FAM111B: variants seen among roughly 807,000 people sequenced by gnomAD.
FAM111B encodes the protein serine protease FAM111B.
In FAM111B, 1 loss-of-function variant was observed where a neutral mutation model predicts 2.8. That is an observed-to-expected ratio of 0.36 (90% CI 0.13 to 1.70). The LOEUF (loss-of-function observed/expected upper bound fraction) is 1.70, where lower values mean the gene tolerates loss of function less well. Among genes scored for constraint, FAM111B ranks in the 40% most tolerant of loss-of-function variants. The probability of loss-of-function intolerance (pLI) is 0.35; values close to 1 mark genes in which losing one functional copy is unlikely to be tolerated. For synonymous variants in FAM111B, 297 were observed against 295.6 expected (o/e 1.00, Z -0.05); for missense variants, 882 against 878.9 (o/e 1.00, Z -0.04).
In FAM111B at chr11:59,125,092, A is replaced by C. The variant is rs373937896; in HGVS notation, c.995A>C (p.His332Pro). 7 of 1,613,648 alleles carry C rather than the reference A, an allele frequency of 4.3e-6. No homozygotes were observed. In the African/African-American group the frequency reaches 9.3e-5, roughly 22 times the overall value. The change falls in exon 4 of 4, where the codon CAT becomes CCT. Residue 332 changes from histidine to proline, a missense_variant. Physicochemically the swap from His to Pro is moderately conservative, Grantham distance 77 (BLOSUM62 -2). Coordinates refer to ENST00000343597, the MANE Select transcript of FAM111B (RefSeq NM_198947.4). ...ATTCTCCCACCTCAGGATCTAAGCC[A>C]TTATATTAAAGATAAAACTCGCCAG... ...EQILPPQDLS[H>P]YIKDKTRQTI...
intron 3 of FAM111B, among the ~76,000 whole-genome samples, chr11:59,119,057 T>G (rs916859999): frequency 6.6e-6 from 1 of 152,234 alleles, no homozygotes; most frequent in African/African-American, 2.4e-5. Context: ...GTTTTCCCTA[T>G]GTCTGGTGGG....
At chr11:59,109,504 G>T (rs1419312560) in intron 2 of FAM111B, 36 bp from the exon 3 acceptor site, 2 of 601,820 alleles carry the variant, frequency 3.3e-6, no homozygotes, top group Non-Finnish European at 5.7e-6. Context: ...TTTGAAAGTG[G>T]TTATTTCATA....
intron 3 of FAM111B, among the ~76,000 whole-genome samples, chr11:59,114,915 G>A (rs1590889016): frequency 1.3e-5 from 2 of 152,298 alleles, no homozygotes; most frequent in South Asian, 4.2e-4. Flanking sequence ...CTCTGATAAG[G>A]TGATATCTGA....
At chr11:59,113,406 G>A (rs1296162534) in intron 3 of FAM111B, among the ~76,000 whole-genome samples, 2 of 152,122 alleles carry the variant, frequency 1.3e-5, no homozygotes, top group African/African-American at 4.8e-5. Context: ...CAATGTGACT[G>A]GTGCATTATT....
Position 59,126,537 on chromosome 11 carries a change from TA to T in FAM111B, c.*238del, listed in dbSNP as rs1265637377. 4 of 353,680 alleles carry T rather than the reference TA, an allele frequency of 1.1e-5. No individual in the cohort carries two copies. Among genetic ancestry groups the T allele is most frequent in the African/African-American group, 8.4e-5 (4 of 47,406 alleles). The allele number at this position is 353,680 out of a possible 1,614,324, so 21.9% of individuals were successfully genotyped here. On this transcript the variant is annotated 3_prime_UTR_variant, in exon 4 of 4. Coordinates refer to ENST00000343597, the MANE Select transcript of FAM111B (RefSeq NM_198947.4). ...TAATATTCAGAATCCATTAGGAACTTAAACAGATTAACAAGCAAAAAAAACA... is the reference window on the plus strand; with the variant it reads ...TAATATTCAGAATCCATTAGGAACTTAACAGATTAACAAGCAAAAAAAACA...
At chr11:59,115,405 G>A (rs778884289) in intron 3 of FAM111B, among the ~76,000 whole-genome samples, 1 of 152,204 alleles carries the variant, frequency 6.6e-6, no homozygotes, top group African/African-American at 2.4e-5. Flanking sequence ...CTTTGCCACT[G>A]TTGTGGCATC....
chr11:59,114,100 G>A (rs576679023), intron 3 of FAM111B, among the ~76,000 whole-genome samples: 5 of 152,340 alleles, frequency 3.3e-5, no homozygotes, highest in South Asian at 2.1e-4. Context: ...GTGCTGCTCC[G>A]GCTAGGGAAG....
At position 59,124,222 on chromosome 11, in the gene FAM111B, A is replaced by G. The variant is rs1859969379; in HGVS notation, c.125A>G (p.His42Arg). Reference sequence around the variant, plus strand: ...ACACATGCTGACACACCTGTTGATCATTGTCTATCTGGCATAAGAAAGTGT... The same window carrying G: ...ACACATGCTGACACACCTGTTGATCGTTGTCTATCTGGCATAAGAAAGTGT... ...KQTHADTPVDHCLSGIRKCSS... is the reference protein window; with the variant it reads ...KQTHADTPVDRCLSGIRKCSS... Residue 42 changes from histidine to arginine, a missense_variant, in exon 4 of 4, where the codon CAT (histidine) becomes CGT (arginine). Transcript: ENST00000343597. The G allele has an allele frequency of 1.2e-6, 2 of 1,613,556 alleles. No homozygotes were observed. The highest frequency in any genetic ancestry group is 1.7e-6 in the Non-Finnish European group (2 of 1,179,718).
intron 3 of FAM111B, among the ~76,000 whole-genome samples, chr11:59,111,258 G>T (rs1489963371): frequency 6.6e-6 from 1 of 152,188 alleles, no homozygotes; most frequent in African/African-American, 2.4e-5. Flanking sequence ...CCTTGTGACT[G>T]AGAGGGCACA....
chr11:59,108,358 T>G (rs1194784329), intron 1 of FAM111B, among the ~76,000 whole-genome samples: 1 of 152,228 alleles, frequency 6.6e-6, no homozygotes, highest in Middle Eastern at 3.2e-3. Context: ...CACAGCTGAA[T>G]GCTTTAGGGG....
chr11:59,120,833 A>G (rs2135401470), intron 3 of FAM111B, among the ~76,000 whole-genome samples: 1 of 152,348 alleles, frequency 6.6e-6, no homozygotes, highest in Non-Finnish European at 1.5e-5. Flanking sequence ...TTGAGGTACT[A>G]GGGATTAGGA....
At chr11:59,109,072 G>A (rs1859713288) in intron 2 of FAM111B, among the ~76,000 whole-genome samples, 1 of 152,170 alleles carries the variant, frequency 6.6e-6, no homozygotes, top group Non-Finnish European at 1.5e-5. Flanking sequence ...CATGAATTAT[G>A]AAGTTTTCTA....
chr11:59,117,210 C>T (rs772782654), intron 3 of FAM111B, among the ~76,000 whole-genome samples: 1 of 152,178 alleles, frequency 6.6e-6, no homozygotes, highest in Non-Finnish European at 1.5e-5. Flanking sequence ...ATCACTACCA[C>T]ATACTTTCCC....
Position 59,109,537 on chromosome 11 carries a change from T to C in FAM111B, c.-86-3T>C, listed in dbSNP as rs1326789095. The C allele has an allele frequency of 7.5e-6, 7 of 935,706 alleles. No individual in the cohort carries two copies. The highest frequency in any genetic ancestry group is 2.7e-5 in the Admixed American group (1 of 37,336). The allele number at this position is 935,706 out of a possible 1,614,324, so 58.0% of individuals were successfully genotyped here. ...ATAGATCTTGTTTTTTTGGTTTTTT[T>C]AGACATTTCAGGTGGCAGAATAAAT... On this transcript the variant is annotated splice_polypyrimidine_tract_variant and splice_region_variant and intron_variant, in intron 2 of 3. Coordinates refer to ENST00000343597, the MANE Select transcript of FAM111B (RefSeq NM_198947.4).
chr11:59,113,726 TG>T (rs1419385526), intron 3 of FAM111B, among the ~76,000 whole-genome samples: 1 of 152,186 alleles, frequency 6.6e-6, no homozygotes, highest in East Asian at 1.9e-4. Context: ...CCCTGGAAAC[TG>T]GATGGTCAAG....
chr11:59,125,947 C>T lies in FAM111B; in HGVS notation c.1850C>T (p.Thr617Ile), dbSNP rs750907318. 3.1e-6 allele frequency: 5 copies of T among 1,613,638 alleles called. No individual in the cohort carries two copies. The highest frequency in any genetic ancestry group is 1.7e-5 in the Admixed American group (1 of 59,962). The change falls in exon 4 of 4, where the codon ACC becomes ATC. Residue 617 changes from threonine (T) to isoleucine (I), a missense_variant. By Grantham distance (89) the Thr-to-Ile change is moderately conservative (BLOSUM62 -1). Transcript: ENST00000343597. ...GGGTTGGTAGATCTCTATGATACCACCAGTAATGTATACTGTATGTTTACC... is the reference window on the plus strand; with the variant it reads ...GGGTTGGTAGATCTCTATGATACCATCAGTAATGTATACTGTATGTTTACC... ...QDGLVDLYDT[T>I]SNVYCMFTQR...
intron 3 of FAM111B, among the ~76,000 whole-genome samples, chr11:59,122,090 C>T (rs541928708): frequency 1.4e-4 from 21 of 152,062 alleles, no homozygotes; most frequent in Non-Finnish European, 2.8e-4. Context: ...TGCAGTGAAC[C>T]GAGATTGTGC....
At chr11:59,116,359 C>T (rs796811101) in intron 3 of FAM111B, among the ~76,000 whole-genome samples, 6 of 152,308 alleles carry the variant, frequency 3.9e-5, no homozygotes, top group Admixed American at 1.3e-4. Context: ...ACTCTTACAA[C>T]GCATACAGTG....
rs951328873 is a variant in FAM111B, at chr11:59,109,694, T to G, written c.69T>G (p.Pro23=). ...SAMEDDQRTR[P]EVSKDTVMKQ... is the part of the protein sequence containing the mutation. Reference sequence around the variant, plus strand: ...TGGAAGATGACCAGAGGACTAGACCTGAAGTTTCAAAGGTATATCTACTTT... The same window carrying G: ...TGGAAGATGACCAGAGGACTAGACCGGAAGTTTCAAAGGTATATCTACTTT... Residue 23 remains proline, a synonymous_variant, in exon 3 of 4, where the codon CCT becomes CCG. Transcript: ENST00000343597. 2 of 1,610,140 alleles carry G rather than the reference T, an allele frequency of 1.2e-6. No individual in the cohort carries two copies. The highest frequency in any genetic ancestry group is 1.7e-6 in the Non-Finnish European group (2 of 1,177,592).
Sources: gnomAD v4.1 joint callset for allele counts (sites outside exome capture counted in the v4.1 genomes callset) on GRCh38, gnomAD v4.1.1 for gene constraint, MANE v1.5 for transcripts, NCBI Gene and HGNC (gene_info 2026-07-23, HGNC 2026-07-21) for gene names.